Variants in UGGT2 observed in about 807,000 individuals in gnomAD.
UGGT2 encodes the protein UDP-glucose:glycoprotein glucosyltransferase 2.
Under a neutral mutation model 192.1 loss-of-function variants are expected in UGGT2, and 180 were observed. The ratio of observed to expected loss-of-function variants is 0.94; its 90% CI spans 0.83 to 1.06. The LOEUF is 1.06. Ranked by LOEUF, UGGT2 falls within the 50% of genes least tolerant of loss-of-function variation. UGGT2 has a pLI of 0.00. For missense variants in UGGT2, 1,849 were observed against 1,795.7 expected (o/e 1.03, Z -0.54); for synonymous variants, 580 against 591.0 (o/e 0.98, Z 0.27).
chr13:95,942,272 G>GTGT (rs2049717725), intron 15 of UGGT2, among the ~76,000 whole-genome samples: 1 of 125,450 alleles, frequency 8.0e-6, no homozygotes, highest in South Asian at 2.6e-4. Context: ...GTGTGTGTGT[G>GTGT]TTGTCTGTAG....
intron 12 of UGGT2, among the ~76,000 whole-genome samples, chr13:95,967,263 C>A (rs1038420539): frequency 3.3e-5 from 5 of 151,944 alleles, no homozygotes; most frequent in Admixed American, 1.3e-4. Flanking sequence ...ACGTATTCTC[C>A]TGCCTCAGCC....
rs1886672802 is a variant in UGGT2, at chr13:95,831,412, T to TA, written c.4528+1514dup. 9.8e-5 allele frequency among the ~76,000 whole-genome samples: 15 copies of TA among 152,294 alleles called. No homozygotes were observed. The South Asian group carries it at 3.1e-3, about 32-fold the overall frequency. On this transcript the variant is annotated intron_variant, in intron 38 of 38. Transcript: ENST00000376747. ...CAATTATAAATATTGCTCTATAACC[T>TA]ATTTTTTAACTTAAAATATGCTGCC...
At chr13:95,904,620 T>C (rs894491337) in intron 20 of UGGT2, among the ~76,000 whole-genome samples, 4 of 152,106 alleles carry the variant, frequency 2.6e-5, no homozygotes, top group South Asian at 2.1e-4. Context: ...ACAAAGGACA[T>C]GAACTCATCA....
intron 37 of UGGT2, among the ~76,000 whole-genome samples, chr13:95,834,777 T>G (rs1363246844): frequency 3.3e-5 from 5 of 152,104 alleles, no homozygotes; most frequent in South Asian, 2.1e-4. Flanking sequence ...TCCTGTTACA[T>G]CTAGATATGG....
At chr13:95,859,513 T>G in intron 33 of UGGT2, 78 bp downstream of exon 33, 1 of 1,153,836 alleles carries the variant, frequency 8.7e-7, no homozygotes, top group Non-Finnish European at 1.2e-6. Flanking sequence ...AAAAGAGAAA[T>G]ATCATATAAA....
At chr13:95,894,852 T>C (rs1315216603) in intron 23 of UGGT2, among the ~76,000 whole-genome samples, 195 bp from the exon 24 acceptor site, 1 of 152,070 alleles carries the variant, frequency 6.6e-6, no homozygotes, top group Non-Finnish European at 1.5e-5. Context: ...ACACCAATAA[T>C]GGATATTTAC....
At chr13:96,029,475 G>A (rs1420457530) in intron 2 of UGGT2, among the ~76,000 whole-genome samples, 2 of 151,784 alleles carry the variant, frequency 1.3e-5, no homozygotes, top group African/African-American at 2.4e-5. Flanking sequence ...CAGTAGAGAC[G>A]GGGTCTCACA....
chr13:95,976,099 C>A, intron 10 of UGGT2, among the ~76,000 whole-genome samples: 1 of 152,102 alleles, frequency 6.6e-6, no homozygotes, highest in East Asian at 1.9e-4. Flanking sequence ...TCCTCATTTT[C>A]CCCAGCCTCC....
chr13:95,923,856 T>C (rs1046777794), intron 20 of UGGT2, among the ~76,000 whole-genome samples: 2 of 152,100 alleles, frequency 1.3e-5, no homozygotes, highest in Admixed American at 1.3e-4. Context: ...AACATTAAAA[T>C]AGGTTTTATG....
rs77476348 is a variant in UGGT2 at position 95,982,216 on chromosome 13, G to A, written c.1092+1588C>T. Among the ~76,000 whole-genome samples the A allele has an allele frequency of 9.4e-4, 143 of 152,218 alleles. 1 individual carries two copies. Among genetic ancestry groups the A allele is most frequent in the Admixed American group, 2.5e-3 (38 of 15,290 alleles). ...TTATTTAGGCAGATAGTGAGTCCTC[G>A]GTAAGGTTTTCCTTTTAATGAAAAG... On this transcript the variant is annotated intron_variant, in intron 10 of 38. Transcript: ENST00000376747.
At chr13:95,969,136 T>C (rs2050684888) in intron 12 of UGGT2, among the ~76,000 whole-genome samples, 1 of 152,218 alleles carries the variant, frequency 6.6e-6, no homozygotes, top group African/African-American at 2.4e-5. Context: ...AGCCACTGTA[T>C]GTCTACATGA....
At chr13:95,907,224 T>C (rs1052924838) in intron 20 of UGGT2, among the ~76,000 whole-genome samples, 1 of 152,210 alleles carries the variant, frequency 6.6e-6, no homozygotes, top group African/African-American at 2.4e-5. Flanking sequence ...CCACCATTGC[T>C]GAGGCTTGAG....
chr13:95,973,596 C>G (rs1170977584), intron 10 of UGGT2, among the ~76,000 whole-genome samples: 1 of 152,138 alleles, frequency 6.6e-6, no homozygotes, highest in Admixed American at 6.6e-5. Flanking sequence ...TTCCTGAGTG[C>G]CTGCTATGTT....
intron 10 of UGGT2, among the ~76,000 whole-genome samples, chr13:95,973,187 TAATA>T (rs898863808): frequency 1.3e-5 from 2 of 151,144 alleles, no homozygotes; most frequent in African/African-American, 4.9e-5. Context: ...ATAAATAAAA[TAATA>T]AATAATAAAT....
chr13:95,980,515 G>C (rs553565845), intron 10 of UGGT2, among the ~76,000 whole-genome samples: 1 of 152,142 alleles, frequency 6.6e-6, no homozygotes, highest in Non-Finnish European at 1.5e-5. Context: ...CACTGTTCAG[G>C]TGATGGGTGC....
chr13:95,873,882 A>G (rs1891436187), intron 29 of UGGT2, among the ~76,000 whole-genome samples: 1 of 152,140 alleles, frequency 6.6e-6, no homozygotes, highest in Admixed American at 6.5e-5. Flanking sequence ...CTGTCAGCAT[A>G]AACAAGTTTC....
chr13:95,819,879 CG>C (rs566119377), intron 38 of UGGT2, among the ~76,000 whole-genome samples: 27 of 152,078 alleles, frequency 1.8e-4, no homozygotes, highest in Non-Finnish European at 3.5e-4. Context: ...CGAAATAGGC[CG>C]GATGTGGTGG....
intron 1 of UGGT2, among the ~76,000 whole-genome samples, chr13:96,051,033 A>G (rs1229074278): frequency 4.6e-5 from 7 of 152,100 alleles, no homozygotes; most frequent in South Asian, 2.1e-4. Flanking sequence ...ACATGCACAC[A>G]CATGTTTATT....
chr13:95,861,096 T>A (rs1890124972), intron 31 of UGGT2, among the ~76,000 whole-genome samples: 1 of 152,116 alleles, frequency 6.6e-6, no homozygotes, highest in Non-Finnish European at 1.5e-5. Context: ...GGAATATAAC[T>A]ATATTGTCTT....
Sources: allele counts gnomAD v4.1 joint callset (sites outside exome capture counted in the v4.1 genomes callset), GRCh38; gene constraint gnomAD v4.1.1; transcripts MANE v1.5; gene names NCBI Gene and HGNC (gene_info 2026-07-23, HGNC 2026-07-21).